PDE1C: variants seen among roughly 807,000 people sequenced by gnomAD.
PDE1C encodes phosphodiesterase 1C.
A neutral mutation model predicts 93.1 loss-of-function variants in PDE1C; 62 were observed. The observed-to-expected ratio is 0.67, with a 90% CI of 0.54 to 0.82. The LOEUF is 0.82. PDE1C is among the 40% of genes least tolerant of loss of function. The pLI, the probability that PDE1C is intolerant of heterozygous loss-of-function variation, is 0.00. For missense variants in PDE1C, 742 were observed against 884.6 expected (o/e 0.84, Z 2.04); for synonymous variants, 325 against 310.1 (o/e 1.05, Z -0.50).
In PDE1C at chr7:31,986,486, A is replaced by G. The variant is rs141346587; in HGVS notation, c.128+65068T>C. 4.1e-3 allele frequency among the ~76,000 whole-genome samples: 627 copies of G among 152,304 alleles called. 3 individuals carry two copies. The highest frequency in any genetic ancestry group is 0.014 in the African/African-American group (582 of 41,556). On this transcript the variant is annotated intron_variant, in intron 2 of 17. Coordinates refer to ENST00000396191, the MANE Select transcript of PDE1C (RefSeq NM_001191057.4). ...TGGGGACATTTTTTTAACCCAGTAC[A>G]GTGACCTTATTTGGAAGCTGGATTT...
At chr7:31,618,715 C>T in the PDE1C span, among the ~76,000 whole-genome samples, 128 of 152,228 alleles carry the variant, frequency 8.4e-4, no homozygotes, top group Non-Finnish European at 1.6e-3. Context: ...AGTGAGGAAA[C>T]CAAGGCTCTT....
intron 1 of PDE1C, among the ~76,000 whole-genome samples, chr7:32,236,611 T>C (rs1205464877): frequency 1.3e-5 from 2 of 152,198 alleles, no homozygotes; most frequent in Non-Finnish European, 2.9e-5. Context: ...GATACTACTC[T>C]GTATCTCAGG....
intron 3 of PDE1C, among the ~76,000 whole-genome samples, chr7:32,082,763 C>A (rs1397986514): frequency 6.6e-6 from 1 of 152,220 alleles, no homozygotes; most frequent in Non-Finnish European, 1.5e-5. Context: ...GGACCTCTAG[C>A]AAACTCCAGC....
At chr7:31,838,817 T>G (rs1178605599) in intron 9 of PDE1C, among the ~76,000 whole-genome samples, 1 of 152,116 alleles carries the variant, frequency 6.6e-6, no homozygotes, top group African/African-American at 2.4e-5. Context: ...GTTTAACAGT[T>G]GAGTAAGTTT....
In PDE1C at chr7:32,169,861, G is replaced by A. The variant is rs1173001093; in HGVS notation, c.232C>T (p.Arg78Ter). 7.4e-6 allele frequency: 12 copies of A among 1,612,410 alleles called. No homozygotes were observed. Among genetic ancestry groups the A allele is most frequent in the Non-Finnish European group, 1.0e-5 (12 of 1,179,718 alleles). ...TCAGCTAGGATCTCCTCTGGGGGTC[G>A]AGGGTCATGGACAATTGTTGGCCTT... The change falls in exon 3 of 19, where the codon CGA becomes TGA. Residue 78 changes from arginine (R) to a stop codon, truncating the protein, a stop_gained. Coordinates refer to the PDE1C transcript ENST00000396193. LOFTEE classifies it high-confidence loss of function.
chr7:31,698,988 C>T, the PDE1C span, among the ~76,000 whole-genome samples: 2 of 152,156 alleles, frequency 1.3e-5, no homozygotes, highest in African/African-American at 2.4e-5. Flanking sequence ...GTGCCAGGCA[C>T]AGCTCAAGTG....
At chr7:31,685,684 G>T in the PDE1C span, among the ~76,000 whole-genome samples, 1 of 152,132 alleles carries the variant, frequency 6.6e-6, no homozygotes, top group Non-Finnish European at 1.5e-5. Flanking sequence ...AAACCTGCAC[G>T]TCCTGCACAT....
intron 16 of PDE1C, among the ~76,000 whole-genome samples, chr7:31,780,829 GTGTGTGTGTGTGTGTC>G (rs1349547554): frequency 9.3e-5 from 14 of 150,648 alleles, no homozygotes; most frequent in African/African-American, 3.5e-4. Context: ...GTGTGTGTGT[GTGTGTGTGTGTGTGTC>G]TAAGTAGGTA....
intron 1 of PDE1C, among the ~76,000 whole-genome samples, chr7:32,294,321 G>T (rs148868107): frequency 6.6e-6 from 1 of 152,316 alleles, no homozygotes; most frequent in East Asian, 1.9e-4. Flanking sequence ...CACCTCTTCA[G>T]TACAGGCCTA....
intron 1 of PDE1C, among the ~76,000 whole-genome samples, chr7:32,356,198 C>T (rs1784026311): frequency 6.6e-6 from 1 of 152,192 alleles, no homozygotes. Flanking sequence ...CACCAAGGCT[C>T]CAGCCAACAT....
chr7:32,145,393 T>C (rs1056349090), intron 3 of PDE1C, among the ~76,000 whole-genome samples: 1 of 152,144 alleles, frequency 6.6e-6, no homozygotes, highest in Non-Finnish European at 1.5e-5. Flanking sequence ...TCACACCCTT[T>C]TTCCCATTAG....
At chr7:31,916,560 C>T (rs879553032) in intron 2 of PDE1C, among the ~76,000 whole-genome samples, 5 of 152,134 alleles carry the variant, frequency 3.3e-5, no homozygotes, top group Non-Finnish European at 5.9e-5. Flanking sequence ...TTATTCTGAC[C>T]TTACGTCATG....
intron 13 of PDE1C, among the ~76,000 whole-genome samples, chr7:31,824,368 T>C (rs764182900): frequency 3.9e-5 from 6 of 152,148 alleles, no homozygotes; most frequent in Non-Finnish European, 5.9e-5. Flanking sequence ...TGGCCTGCGA[T>C]TGCACAGCTA....
intron 16 of PDE1C, among the ~76,000 whole-genome samples, chr7:31,806,313 T>A (rs1786819206): frequency 6.6e-6 from 1 of 151,976 alleles, no homozygotes; most frequent in African/African-American, 2.4e-5. Context: ...GGCAAGTCCA[T>A]GAGGCTATGT....
At chr7:31,771,820 C>A (rs1584004837) in intron 17 of PDE1C, among the ~76,000 whole-genome samples, 1 of 152,102 alleles carries the variant, frequency 6.6e-6, no homozygotes, top group South Asian at 2.1e-4. Flanking sequence ...GTTTGGGAGG[C>A]CGAAGCAGGC....
the PDE1C span, among the ~76,000 whole-genome samples, chr7:31,716,851 T>A: frequency 2.0e-5 from 3 of 152,188 alleles, no homozygotes; most frequent in Non-Finnish European, 4.4e-5. Context: ...CCTGTGGGCA[T>A]GTTGACACTG....
intron 2 of PDE1C, among the ~76,000 whole-genome samples, chr7:31,914,979 C>T (rs1470913919): frequency 6.6e-6 from 1 of 152,300 alleles, no homozygotes; most frequent in Admixed American, 6.5e-5. Flanking sequence ...TCCTACTTAT[C>T]CTCACCACAA....
At chr7:32,058,693 G>A (rs1794424678) in intron 1 of PDE1C, among the ~76,000 whole-genome samples, 1 of 152,172 alleles carries the variant, frequency 6.6e-6, no homozygotes, top group African/African-American at 2.4e-5. Context: ...ACTTTGCAAA[G>A]CTATCCATTG....
chr7:31,789,715 G>A (rs1784371525), intron 16 of PDE1C: 3 of 985,582 alleles, frequency 3.0e-6, no homozygotes, highest in Non-Finnish European at 3.6e-6. Flanking sequence ...TCCTGACTCA[G>A]GAAAGGAACC....
Sources: gnomAD v4.1 joint callset for allele counts (sites outside exome capture counted in the v4.1 genomes callset) on GRCh38, gnomAD v4.1.1 for gene constraint, MANE v1.5 for transcripts, NCBI Gene and HGNC (gene_info 2026-07-23, HGNC 2026-07-21) for gene names.